The following OPCML variants were observed in gnomAD, a reference collection of about 807,000 sequenced individuals.
OPCML encodes opioid-binding protein/cell adhesion molecule.
OPCML carries 13 observed loss-of-function variants against 37.8 expected under a neutral mutation model. The observed-to-expected ratio is 0.34, with a 90% CI of 0.22 to 0.55. The LOEUF is 0.55. Among genes scored for constraint, OPCML ranks in the 20% least tolerant of loss-of-function variants. The pLI, the probability that OPCML is intolerant of heterozygous loss-of-function variation, is 0.91. For synonymous variants in OPCML, 176 were observed against 168.8 expected, an observed-to-expected ratio of 1.04 and a Z score of -0.33; for missense variants, 341 against 435.6, an observed-to-expected ratio of 0.78 and a Z score of 1.93.
chr11:132,595,657 G>A (rs2096491328), intron 3 of OPCML, among the ~76,000 whole-genome samples: 1 of 152,166 alleles, frequency 6.6e-6, no homozygotes, highest in African/African-American at 2.4e-5. Context: ...GTTAGGACCT[G>A]TGCATCCAGA....
At chr11:133,264,088 G>T (rs1036331187) in intron 1 of OPCML, among the ~76,000 whole-genome samples, 1 of 152,154 alleles carries the variant, frequency 6.6e-6, no homozygotes, top group African/African-American at 2.4e-5. Flanking sequence ...TAAATATATT[G>T]ATATTGAAAA....
intron 2 of OPCML, among the ~76,000 whole-genome samples, chr11:132,833,310 C>T (rs115570077): frequency 9.7e-4 from 147 of 152,214 alleles, no homozygotes; most frequent in African/African-American, 3.4e-3. Flanking sequence ...AAGACACAAA[C>T]ACGCACATTA....
chr11:132,632,856 G>C (rs1178533638), intron 3 of OPCML, among the ~76,000 whole-genome samples: 1 of 151,140 alleles, frequency 6.6e-6, no homozygotes, highest in Non-Finnish European at 1.5e-5. Context: ...GCAGGGAGGA[G>C]TTTCATCATC....
intron 1 of OPCML, among the ~76,000 whole-genome samples, chr11:133,305,281 C>T (rs951179740): frequency 6.6e-6 from 1 of 152,154 alleles, no homozygotes; most frequent in Admixed American, 6.5e-5. Context: ...GGGCTTCCCC[C>T]CTGTACCCCT....
intron 1 of OPCML, among the ~76,000 whole-genome samples, chr11:133,402,214 G>C (rs887225495): frequency 1.3e-5 from 2 of 151,928 alleles, no homozygotes; most frequent in Non-Finnish European, 2.9e-5. Flanking sequence ...CAGGGTGGGG[G>C]ATAGTGAAAG....
At chr11:133,203,444 G>A (rs922261612) in intron 1 of OPCML, among the ~76,000 whole-genome samples, 7 of 152,186 alleles carry the variant, frequency 4.6e-5, no homozygotes, top group African/African-American at 1.4e-4. Flanking sequence ...CGCCTCTCAG[G>A]TGAAGCCATG....
chr11:132,589,809 G>A (rs545419501), intron 3 of OPCML, among the ~76,000 whole-genome samples: 6 of 152,312 alleles, frequency 3.9e-5, no homozygotes, highest in East Asian at 1.9e-4. Flanking sequence ...TCTCTTTTGC[G>A]GAGGAGAAAT....
intron 1 of OPCML, among the ~76,000 whole-genome samples, chr11:133,415,295 A>AGCTACT (rs1204532573): frequency 6.7e-6 from 1 of 150,280 alleles, no homozygotes; most frequent in Non-Finnish European, 1.5e-5. Context: ...CTGTAGTCCC[A>AGCTACT]GCTACTCGGG....
intron 7 of OPCML, among the ~76,000 whole-genome samples, chr11:132,430,488 A>G (rs534209307): frequency 1.3e-5 from 2 of 152,292 alleles, no homozygotes; most frequent in Admixed American, 1.3e-4. Context: ...TAGCAAAAGA[A>G]AATAGAGATT....
In OPCML at chr11:132,914,129, C is replaced by A. The variant is rs550770883; in HGVS notation, c.146+28797G>T. 2.6e-5 allele frequency among the ~76,000 whole-genome samples: 4 copies of A among 152,358 alleles called. No individual in the cohort carries two copies. In the East Asian group the frequency reaches 7.7e-4, roughly 29 times the overall value. On this transcript the variant is annotated intron_variant, in intron 2 of 7. Coordinates refer to ENST00000524381, the MANE Select transcript of OPCML (RefSeq NM_001012393.5). ...GAGGAGGTAAGAGGGACACCCCTGGCAATGTGCTGACACACATTCCCTGCC... is the reference window on the plus strand; with the variant it reads ...GAGGAGGTAAGAGGGACACCCCTGGAAATGTGCTGACACACATTCCCTGCC...
intron 1 of OPCML, among the ~76,000 whole-genome samples, chr11:133,285,297 C>T (rs1016676273): frequency 6.6e-6 from 1 of 152,184 alleles, no homozygotes; most frequent in Admixed American, 6.5e-5. Context: ...TTTAAGTTAT[C>T]TGACTTCCCC....
intron 2 of OPCML, among the ~76,000 whole-genome samples, chr11:132,920,609 G>A (rs1182045584): frequency 1.3e-5 from 2 of 152,140 alleles, no homozygotes; most frequent in South Asian, 4.1e-4. Context: ...GCCCCTGGGA[G>A]AGAGCTGCAG....
chr11:132,570,708 T>A (rs1175424337), intron 3 of OPCML, among the ~76,000 whole-genome samples: 2 of 120,806 alleles, frequency 1.7e-5, no homozygotes, highest in Admixed American at 9.7e-5. Context: ...GCATGAAAAA[T>A]TATTTAAATA....
intron 1 of OPCML, among the ~76,000 whole-genome samples, chr11:133,063,776 G>C (rs894047217): frequency 2.0e-5 from 3 of 152,144 alleles, no homozygotes; most frequent in African/African-American, 7.2e-5. Context: ...TAGCCAGGCT[G>C]GTCTTGAACT....
At chr11:132,436,869 C>T (rs2096015033) in intron 5 of OPCML, 90 bp from the exon 6 acceptor site, 13 of 1,526,416 alleles carry the variant, frequency 8.5e-6, no homozygotes, top group South Asian at 2.5e-5. Flanking sequence ...CACATCCAGC[C>T]ATTTGCTATG....
At chr11:133,073,351 G>GT (rs1948572103) in intron 1 of OPCML, among the ~76,000 whole-genome samples, 1 of 152,250 alleles carries the variant, frequency 6.6e-6, no homozygotes, top group Non-Finnish European at 1.5e-5. Context: ...CAGAACTGGT[G>GT]TGAGTAAGGG....
At chr11:133,000,393 G>A (rs1347272982) in intron 1 of OPCML, among the ~76,000 whole-genome samples, 6 of 152,200 alleles carry the variant, frequency 3.9e-5, no homozygotes, top group South Asian at 2.1e-4. Flanking sequence ...GATTACAGGC[G>A]TGAGCCACCG....
intron 4 of OPCML, among the ~76,000 whole-genome samples, chr11:132,469,759 AGTGTGTGTGTATGTGTGGAGGGGTGTGT>A (rs1187663465): frequency 1.8e-5 from 1 of 56,070 alleles, no homozygotes; most frequent in African/African-American, 7.6e-5. Context: ...GAGGGGTGTG[AGTGTGTGTGTATGTGTGGAGGGGTGTGT>A]GTGTGGAGGG....
intron 3 of OPCML, among the ~76,000 whole-genome samples, chr11:132,572,618 T>C (rs1447096751): frequency 6.6e-6 from 1 of 152,130 alleles, no homozygotes. Flanking sequence ...TATGGCTTTT[T>C]AAATGCCAGT....
Sources: gnomAD v4.1 joint callset for allele counts (sites outside exome capture counted in the v4.1 genomes callset) on GRCh38, gnomAD v4.1.1 for gene constraint, MANE v1.5 for transcripts, NCBI Gene and HGNC (gene_info 2026-07-23, HGNC 2026-07-21) for gene names.